Variants in CLEC16A observed in about 807,000 individuals in gnomAD.
CLEC16A encodes protein CLEC16A.
CLEC16A carries 51 observed loss-of-function variants against 109.5 expected under a neutral mutation model. The ratio of observed to expected loss-of-function variants is 0.47; its 90% confidence interval spans 0.37 to 0.59. The LOEUF is 0.59. CLEC16A is among the 20% of genes least tolerant of loss of function. The pLI is 0.00. For missense variants in CLEC16A, 1,339 were observed against 1,394.0 expected (o/e 0.96, Z 0.63); for synonymous variants, 673 against 564.2 (o/e 1.19, Z -2.73).
At chr16:11,044,165 C>A (rs1419613375) in intron 16 of CLEC16A, 93 bp downstream of exon 16, 12 of 1,088,042 alleles carry the variant, frequency 1.1e-5, no homozygotes, top group Admixed American at 2.6e-5. Flanking sequence ...CGTTATATGT[C>A]TTCAGTTATT....
rs76636426 is a variant in CLEC16A at position 11,044,169 on chromosome 16, A to C, written c.1815+97A>C. On this transcript the variant is annotated intron_variant, in intron 16 of 23. Transcript: ENST00000409790. ...ATGCAGATAAACGTTATATGTCTTC[A>C]GTTATTTTTTATGCCTATAATTACT... 1.9e-3 allele frequency: 2,042 copies of C among 1,066,854 alleles called. 13 individuals carry two copies. Among genetic ancestry groups the C allele is most frequent in the Middle Eastern group, 0.011 (53 of 4,642 alleles). The allele number at this position is 1,066,854 out of a possible 1,614,324, so 66.1% of individuals were successfully genotyped here.
chr16:11,072,478 C>CAA (rs2049130087), intron 19 of CLEC16A, among the ~76,000 whole-genome samples: 1 of 151,466 alleles, frequency 6.6e-6, no homozygotes, highest in Admixed American at 6.6e-5. Context: ...AAGGAAGGGA[C>CAA]GAGAGAGAGA....
chr16:11,092,864 C>T (rs918781325), intron 19 of CLEC16A, among the ~76,000 whole-genome samples: 2 of 152,180 alleles, frequency 1.3e-5, no homozygotes, highest in Non-Finnish European at 2.9e-5. Flanking sequence ...TACTAACAAG[C>T]GTTTGATCCA....
At chr16:11,139,571 G>T (rs1043014716) in intron 22 of CLEC16A, among the ~76,000 whole-genome samples, 1 of 152,188 alleles carries the variant, frequency 6.6e-6, no homozygotes, top group African/African-American at 2.4e-5. Flanking sequence ...AAGCCTCAGA[G>T]TAATCACAAA....
chr16:11,006,881 C>T (rs541861962), intron 11 of CLEC16A, among the ~76,000 whole-genome samples: 160 of 138,926 alleles, frequency 1.2e-3, no homozygotes, highest in African/African-American at 4.0e-3. Context: ...TAATGGGTGA[C>T]TCATTCTGCA....
chr16:11,071,452 A>G (rs2049065966), intron 19 of CLEC16A, among the ~76,000 whole-genome samples: 1 of 152,184 alleles, frequency 6.6e-6, no homozygotes, highest in South Asian at 2.1e-4. Context: ...TTTCTAGATA[A>G]TTGAAACAAA....
intron 2 of CLEC16A, among the ~76,000 whole-genome samples, chr16:10,959,460 C>T (rs998160108): frequency 3.3e-5 from 5 of 152,158 alleles, no homozygotes; most frequent in East Asian, 1.9e-4. Context: ...GGCGGGATCC[C>T]GGCTCACCGC....
chr16:11,126,913 C>G (rs927162491), intron 22 of CLEC16A: 6 of 152,210 alleles, frequency 3.9e-5, no homozygotes, highest in African/African-American at 1.4e-4. Flanking sequence ...GAAATGTTTT[C>G]AAAAGCAGTT....
chr16:10,977,633 C>A (rs1263793755), intron 8 of CLEC16A, among the ~76,000 whole-genome samples: 1 of 152,198 alleles, frequency 6.6e-6, no homozygotes, highest in East Asian at 1.9e-4. Context: ...CCTGCCTCAG[C>A]CTCCCGAGTA....
chr16:11,132,147 T>G (rs1211377789), intron 22 of CLEC16A, among the ~76,000 whole-genome samples: 1 of 152,126 alleles, frequency 6.6e-6, no homozygotes. Flanking sequence ...TTCCCAAGAT[T>G]GTGCCATCAT....
chr16:11,115,156 G>C (rs149308887), intron 19 of CLEC16A, among the ~76,000 whole-genome samples: 144 of 152,266 alleles, frequency 9.5e-4, no homozygotes, highest in African/African-American at 2.8e-3. Context: ...GTGTATGACT[G>C]TGTCCGTTTT....
rs528951387 is a variant in CLEC16A, at chr16:11,129,337, C to A, written c.2641+3191C>A. 2.6e-5 allele frequency among the ~76,000 whole-genome samples: 4 copies of A among 152,326 alleles called. No homozygotes were observed. In the South Asian group the frequency reaches 8.3e-4, roughly 32 times the overall value. ...ACATAGTTTTCTATGAACAATAACT[C>A]TGTTTTCCAAAACATAGAAAAAAAT... On this transcript the variant is annotated intron_variant, in intron 22 of 23. Transcript: ENST00000409790.
At chr16:11,003,730 AATT>A (rs2044811854) in intron 11 of CLEC16A, among the ~76,000 whole-genome samples, 1 of 152,146 alleles carries the variant, frequency 6.6e-6, no homozygotes, top group African/African-American at 2.4e-5. Context: ...AGCAGCATGG[AATT>A]ATTATTATCT....
intron 21 of CLEC16A, among the ~76,000 whole-genome samples, 152 bp downstream of exon 21, chr16:11,124,098 AT>A (rs2052628140): frequency 6.6e-6 from 1 of 152,180 alleles, no homozygotes; most frequent in Non-Finnish European, 1.5e-5. Context: ...AGGAAGTTCC[AT>A]TTCCTGGGTG....
Position 11,126,019 on chromosome 16 carries a change from G to A in CLEC16A, c.2514G>A (p.Leu838=). 1 of 1,613,046 alleles carries A rather than the reference G, an allele frequency of 6.2e-7. No homozygotes were observed. The highest frequency in any genetic ancestry group is 8.5e-7 in the Non-Finnish European group (1 of 1,179,818). ...CAATCCAGCCCACCACTGAAGTCCT[G>A]GGGTTTGGACTCGGCTCCTCCACCT... The part of the protein sequence containing the change: ...DLPIQPTTEV[L]GFGLGSSTST... Residue 838 remains leucine (L), a synonymous_variant, in exon 22 of 24, where the codon CTG becomes CTA. Transcript: ENST00000409790.
At chr16:10,993,298 G>A (rs2044141867) in intron 10 of CLEC16A, among the ~76,000 whole-genome samples, 1 of 152,134 alleles carries the variant, frequency 6.6e-6, no homozygotes, top group Non-Finnish European at 1.5e-5. Context: ...ACCATCTCTT[G>A]AGCCTGGGAG....
At chr16:11,142,210 G>C (rs2053865098) in intron 22 of CLEC16A, among the ~76,000 whole-genome samples, 2 of 152,192 alleles carry the variant, frequency 1.3e-5, no homozygotes, top group African/African-American at 4.8e-5. Flanking sequence ...CCCACTGCTA[G>C]GCCATCGGAC....
chr16:11,090,711 C>G (rs1026606826), intron 19 of CLEC16A, among the ~76,000 whole-genome samples: 1 of 151,534 alleles, frequency 6.6e-6, no homozygotes, highest in East Asian at 1.9e-4. Flanking sequence ...GTGGTGTGAT[C>G]TTGGCTCACT....
chr16:11,019,966 G>C (rs748296113), intron 11 of CLEC16A, among the ~76,000 whole-genome samples: 1 of 152,188 alleles, frequency 6.6e-6, no homozygotes, highest in Non-Finnish European at 1.5e-5. Context: ...TGTTGTCAAA[G>C]ACAGGAACAC....
Sources: allele counts gnomAD v4.1 joint callset (sites outside exome capture counted in the v4.1 genomes callset), GRCh38; gene constraint gnomAD v4.1.1; transcripts MANE v1.5; gene names NCBI Gene and HGNC (gene_info 2026-07-23, HGNC 2026-07-21).